Variants in SLC28A1 observed in about 807,000 individuals in gnomAD.
The protein encoded by SLC28A1 is solute carrier family 28 member 1.
A neutral mutation model predicts 74.8 loss-of-function variants in SLC28A1; 64 were observed. The observed-to-expected ratio is 0.86, with a 90% CI of 0.70 to 1.05. The LOEUF (loss-of-function observed/expected upper bound fraction) is 1.05. SLC28A1 is among the 50% of genes least tolerant of loss of function. The pLI is 0.00. For missense variants in SLC28A1, 828 were observed against 822.8 expected (o/e 1.01, Z -0.08); for synonymous variants, 359 against 335.0 (o/e 1.07, Z -0.78).
At chr15:84,966,503 G>C in the SLC28A1 span, among the ~76,000 whole-genome samples, 1 of 152,170 alleles carries the variant, frequency 6.6e-6, no homozygotes, top group Non-Finnish European at 1.5e-5. Context: ...TGTTGCCTAG[G>C]CTGGTCTTGA....
intron 15 of SLC28A1, among the ~76,000 whole-genome samples, chr15:84,938,708 TAAAA>T (rs1179539456): frequency 6.6e-6 from 1 of 150,790 alleles, no homozygotes; most frequent in Non-Finnish European, 1.5e-5. Flanking sequence ...GAACAAAAAT[TAAAA>T]TAACCACAAT....
chr15:84,957,117 A>C, the SLC28A1 span, among the ~76,000 whole-genome samples: 2 of 152,306 alleles, frequency 1.3e-5, no homozygotes, highest in East Asian at 3.9e-4. Context: ...ATGATATACT[A>C]TAAAATTACC....
At chr15:84,915,476 C>T (rs1454637733) in intron 9 of SLC28A1, among the ~76,000 whole-genome samples, 2 of 152,234 alleles carry the variant, frequency 1.3e-5, no homozygotes, top group East Asian at 3.8e-4. Context: ...TTGCCGGGCC[C>T]TCACCAGTCT....
chr15:84,955,775 C>T, the SLC28A1 span, among the ~76,000 whole-genome samples: 1 of 152,156 alleles, frequency 6.6e-6, no homozygotes, highest in Admixed American at 6.5e-5. Flanking sequence ...TCTACCATCC[C>T]ACTGCACTCC....
At position 84,893,860 on chromosome 15, in the gene SLC28A1, A is replaced by G. The variant is rs555712591; in HGVS notation, c.278-1080A>G. Among the ~76,000 whole-genome samples, 245 of 152,232 alleles carry G rather than the reference A, an allele frequency of 1.6e-3. 1 individual carries two copies. The highest frequency in any genetic ancestry group is 2.5e-3 in the Non-Finnish European group (168 of 68,010). On this transcript the variant is annotated intron_variant, in intron 5 of 18. Transcript: ENST00000394573. ...CTCCCTGGGACTCGACCAGGAAGCC[A>G]GTCACAGGGCTTCACTGCTTGCAAT... is the stretch of plus-strand genomic sequence containing the variant.
chr15:84,888,954 G>C (rs1434524848), intron 4 of SLC28A1, 94 bp downstream of exon 4: 1 of 871,472 alleles, frequency 1.1e-6, no homozygotes, highest in Admixed American at 2.0e-5. Context: ...TGGGAGTTGG[G>C]GGGACGTGAA....
At chr15:84,945,085 A>G in intron 18 of SLC28A1, 40 bp from the exon 19 acceptor site, 1 of 1,582,072 alleles carries the variant, frequency 6.3e-7, no homozygotes, top group Non-Finnish European at 8.7e-7. Flanking sequence ...CCGCAGAACC[A>G]GGCCTGGAGC....
intron 11 of SLC28A1, among the ~76,000 whole-genome samples, chr15:84,923,048 G>A (rs571815227): frequency 2.4e-4 from 37 of 152,258 alleles, no homozygotes; most frequent in African/African-American, 8.2e-4. Flanking sequence ...AGCGATTCTC[G>A]TGCCTAAGCC....
chr15:84,912,807 CACACACACACACACA>C (rs1968513264), intron 9 of SLC28A1, among the ~76,000 whole-genome samples: 1 of 9,076 alleles, frequency 1.1e-4, no homozygotes, highest in Non-Finnish European at 3.8e-4. Context: ...TGCGCGCGCG[CACACACACACACACA>C]CACACACACA....
intron 11 of SLC28A1, 42 bp from the exon 12 acceptor site, chr15:84,923,943 A>G: frequency 6.2e-7 from 1 of 1,613,578 alleles, no homozygotes; most frequent in South Asian, 1.1e-5. Context: ...GATGTGCCCA[A>G]TCACCCCCAC....
chr15:84,885,259 T>C (rs1235100495), intron 1 of SLC28A1, among the ~76,000 whole-genome samples: 2 of 147,438 alleles, frequency 1.4e-5, no homozygotes, highest in African/African-American at 2.5e-5. Flanking sequence ...GTGCCCCCCC[T>C]CTTTTTTTTT....
chr15:84,960,228 C>CTTTTTTTTTTTTTTTTTTTTTTT, the SLC28A1 span, among the ~76,000 whole-genome samples: 2 of 85,572 alleles, frequency 2.3e-5, 1 homozygote, highest in Non-Finnish European at 4.2e-5. Context: ...TGCCTGCCTG[C>CTTTTTTTTTTTTTTTTTTTTTTT]TTTTTTTTTT....
chr15:84,974,747 T>C, the SLC28A1 span, among the ~76,000 whole-genome samples: 1 of 152,116 alleles, frequency 6.6e-6, no homozygotes, highest in Non-Finnish European at 1.5e-5. Flanking sequence ...ACAAATGGTG[T>C]AGCTTTAGGA....
intron 1 of SLC28A1, chr15:84,886,168 G>T: frequency 5.1e-6 from 5 of 985,246 alleles, no homozygotes; most frequent in Non-Finnish European, 6.0e-6. Context: ...AAGGGGAAAT[G>T]GTGTGATTTG....
At chr15:84,965,907 G>C in the SLC28A1 span, among the ~76,000 whole-genome samples, 3 of 149,850 alleles carry the variant, frequency 2.0e-5, no homozygotes, top group African/African-American at 5.0e-5. Context: ...GCGGGGAGGG[G>C]GGGGAAATAT....
At chr15:84,915,965 T>C (rs1969027312) in intron 9 of SLC28A1, among the ~76,000 whole-genome samples, 1 of 151,696 alleles carries the variant, frequency 6.6e-6, no homozygotes, top group Admixed American at 6.6e-5. Flanking sequence ...CTTCTTCTTA[T>C]TATTATTATT....
intron 8 of SLC28A1, among the ~76,000 whole-genome samples, chr15:84,906,414 C>G (rs1447437559): frequency 1.3e-5 from 2 of 152,198 alleles, no homozygotes; most frequent in South Asian, 2.1e-4. Flanking sequence ...ATCCTGGGCT[C>G]AAGTGATCCT....
chr15:84,954,253 G>A, the SLC28A1 span, among the ~76,000 whole-genome samples: 1 of 152,182 alleles, frequency 6.6e-6, no homozygotes, highest in African/African-American at 2.4e-5. Flanking sequence ...CAATCACTGT[G>A]ACCAGGGAGG....
downstream of SLC28A1, among the ~76,000 whole-genome samples, chr15:84,949,565 A>AT (rs11318236): frequency 1.2e-3 from 125 of 103,830 alleles, 1 homozygote; most frequent in East Asian, 3.4e-3. Flanking sequence ...TGCCCGGCTA[A>AT]TTTTTTTTTT....
Sources: allele counts gnomAD v4.1 joint callset (sites outside exome capture counted in the v4.1 genomes callset), GRCh38; gene constraint gnomAD v4.1.1; transcripts MANE v1.5; gene names NCBI Gene and HGNC (gene_info 2026-07-23, HGNC 2026-07-21).